Variants in LHFPL3 observed in about 807,000 individuals in gnomAD.
LHFPL3 encodes the protein LHFPL tetraspan subfamily member 3, also known as LHFPL tetraspan subfamily member 3 protein.
LHFPL3 carries 5 observed loss-of-function variants against 19.3 expected under a neutral mutation model. The ratio of observed to expected loss-of-function variants is 0.26; its 90% CI spans 0.14 to 0.54. The LOEUF (loss-of-function observed/expected upper bound fraction) is 0.54. Ranked by LOEUF, LHFPL3 falls within the 20% of genes least tolerant of loss-of-function variation. LHFPL3 has a pLI of 0.94. For missense variants in LHFPL3, 249 were observed against 307.4 expected, an observed-to-expected ratio of 0.81 and a Z score of 1.42; for synonymous variants, 133 against 126.2, an observed-to-expected ratio of 1.05 and a Z score of -0.36.
At chr7:104,674,548 T>C (rs1313175682) in intron 1 of LHFPL3, among the ~76,000 whole-genome samples, 1 of 152,054 alleles carries the variant, frequency 6.6e-6, no homozygotes, top group Non-Finnish European at 1.5e-5. Context: ...TTTGTGTTTT[T>C]AGTAGAGATG....
chr7:104,613,746 A>T (rs927071348), intron 1 of LHFPL3, among the ~76,000 whole-genome samples: 5 of 152,214 alleles, frequency 3.3e-5, no homozygotes, highest in Non-Finnish European at 5.9e-5. Flanking sequence ...TGGTCAAAGA[A>T]AAATTGCATG....
chr7:104,449,972 C>A (rs7807089), intron 1 of LHFPL3, among the ~76,000 whole-genome samples: 25,437 of 152,140 alleles, frequency 0.17, 2,109 homozygotes, highest in Middle Eastern at 0.2. Context: ...TTCCCCAACT[C>A]ATACCACTTT....
intron 1 of LHFPL3, among the ~76,000 whole-genome samples, chr7:104,648,092 A>G (rs1339217497): frequency 1.3e-5 from 2 of 152,250 alleles, no homozygotes; most frequent in Non-Finnish European, 2.9e-5. Flanking sequence ...GTATGTTCTC[A>G]GCTTCTTTAC....
chr7:104,404,890 C>T (rs1478189955), intron 1 of LHFPL3, among the ~76,000 whole-genome samples: 1 of 152,102 alleles, frequency 6.6e-6, no homozygotes, highest in Non-Finnish European at 1.5e-5. Flanking sequence ...AAGTAATTAT[C>T]CATGTAAACT....
chr7:104,827,570 T>C lies in LHFPL3; in HGVS notation c.683-78617T>C, dbSNP rs1790849026. Among the ~76,000 whole-genome samples, 3 of 151,812 alleles carry C rather than the reference T, an allele frequency of 2.0e-5. No homozygotes were observed. The South Asian group carries it at 6.2e-4, about 31-fold the overall frequency. On this transcript the variant is annotated intron_variant, in intron 2 of 2. Coordinates refer to ENST00000424859, the MANE Select transcript of LHFPL3 (RefSeq NM_199000.3). Reference sequence around the variant, plus strand: ...TTTTTATTTCTCTTCACTGTGCACATGTTCAGTATTTAAACACTGTCTCAA... The same window carrying C: ...TTTTTATTTCTCTTCACTGTGCACACGTTCAGTATTTAAACACTGTCTCAA...
intron 1 of LHFPL3, among the ~76,000 whole-genome samples, chr7:104,608,214 C>T (rs1360682221): frequency 2.0e-5 from 3 of 151,952 alleles, no homozygotes; most frequent in South Asian, 2.1e-4. Flanking sequence ...TATTGCAGCA[C>T]TATTCACAAT....
At chr7:104,382,284 G>A (rs1239405058) in intron 1 of LHFPL3, among the ~76,000 whole-genome samples, 2 of 152,130 alleles carry the variant, frequency 1.3e-5, no homozygotes, top group Admixed American at 1.3e-4. Flanking sequence ...AGCAATTTCT[G>A]TTGAAATTGC....
At chr7:104,529,540 G>A (rs1374853826) in intron 1 of LHFPL3, among the ~76,000 whole-genome samples, 10 of 152,108 alleles carry the variant, frequency 6.6e-5, no homozygotes, top group African/African-American at 9.7e-5. Flanking sequence ...TCCATGAAGC[G>A]CGATGAGAAC....
intron 1 of LHFPL3, among the ~76,000 whole-genome samples, chr7:104,432,556 T>C (rs1792023157): frequency 6.6e-6 from 1 of 152,192 alleles, no homozygotes; most frequent in Non-Finnish European, 1.5e-5. Flanking sequence ...AATTGCCACC[T>C]ACATGCTGAA....
intron 1 of LHFPL3, among the ~76,000 whole-genome samples, chr7:104,650,310 G>T (rs997786456): frequency 6.6e-6 from 1 of 152,184 alleles, no homozygotes; most frequent in African/African-American, 2.4e-5. Context: ...CACATCCCTG[G>T]CAGCCTCAGA....
chr7:104,838,016 C>T (rs1791130207), intron 2 of LHFPL3, among the ~76,000 whole-genome samples: 1 of 152,152 alleles, frequency 6.6e-6, no homozygotes, highest in South Asian at 2.1e-4. Context: ...ACCCACTCTA[C>T]TTAGACTTAG....
At chr7:104,737,928 A>G (rs1310104405) in intron 2 of LHFPL3, among the ~76,000 whole-genome samples, 2 of 152,152 alleles carry the variant, frequency 1.3e-5, no homozygotes, top group African/African-American at 4.8e-5. Flanking sequence ...TAGTTTCTAC[A>G]TAACTGTCAC....
intron 1 of LHFPL3, among the ~76,000 whole-genome samples, chr7:104,624,128 T>C (rs556352961): frequency 1.2e-4 from 19 of 152,322 alleles, no homozygotes; most frequent in African/African-American, 3.8e-4. Flanking sequence ...TAGAGGGTTT[T>C]TCAGGCATTC....
chr7:104,711,849 C>G (rs565674465), intron 1 of LHFPL3, among the ~76,000 whole-genome samples: 1 of 152,296 alleles, frequency 6.6e-6, no homozygotes, highest in Non-Finnish European at 1.5e-5. Flanking sequence ...TACAATTGAT[C>G]TCATGCCCGT....
At chr7:104,496,285 C>A (rs1280584848) in intron 1 of LHFPL3, among the ~76,000 whole-genome samples, 3 of 152,210 alleles carry the variant, frequency 2.0e-5, no homozygotes, top group Admixed American at 6.5e-5. Flanking sequence ...CATGTCCCTA[C>A]AAAGGACATG....
chr7:104,835,475 A>T (rs1035259559), intron 2 of LHFPL3, among the ~76,000 whole-genome samples: 1 of 151,868 alleles, frequency 6.6e-6, no homozygotes, highest in Non-Finnish European at 1.5e-5. Context: ...TCCTTCATCT[A>T]TTCATTTCAC....
chr7:104,806,272 A>G (rs1249021617), intron 2 of LHFPL3, among the ~76,000 whole-genome samples: 1 of 152,266 alleles, frequency 6.6e-6, no homozygotes, highest in Non-Finnish European at 1.5e-5. Context: ...TTCAGGACTA[A>G]GTTATTCATA....
intron 2 of LHFPL3, among the ~76,000 whole-genome samples, chr7:104,893,323 G>A (rs571064318): frequency 6.6e-6 from 1 of 151,700 alleles, no homozygotes; most frequent in African/African-American, 2.4e-5. Context: ...AGACCAGCCT[G>A]GCCAAAATGG....
At chr7:104,683,179 G>C (rs1020889932) in intron 1 of LHFPL3, among the ~76,000 whole-genome samples, 2 of 152,146 alleles carry the variant, frequency 1.3e-5, no homozygotes, top group Non-Finnish European at 2.9e-5. Context: ...TAGTAGAGAC[G>C]AGGTTTCACC....
Sources: allele counts gnomAD v4.1 joint callset (sites outside exome capture counted in the v4.1 genomes callset), GRCh38; gene constraint gnomAD v4.1.1; transcripts MANE v1.5; gene names NCBI Gene and HGNC (gene_info 2026-07-23, HGNC 2026-07-21).